Variants in PNPLA7 observed in about 807,000 individuals in gnomAD.
The protein encoded by PNPLA7 is patatin like domain 7, lysophospholipase.
A neutral mutation model predicts 161.7 loss-of-function variants in PNPLA7; 153 were observed. The observed-to-expected ratio is 0.95, with a 90% CI of 0.83 to 1.08. The LOEUF (loss-of-function observed/expected upper bound fraction) is 1.08. Ranked by LOEUF, PNPLA7 falls within the 50% of genes least tolerant of loss-of-function variation. The pLI is 0.00. For missense variants in PNPLA7, 1,739 were observed against 1,856.6 expected (o/e 0.94, Z 1.16); for synonymous variants, 809 against 782.1 (o/e 1.03, Z -0.57).
chr9:137,523,558 C>T lies in PNPLA7; in HGVS notation c.748-701G>A, dbSNP rs1835143522. Reference sequence around the variant, plus strand: ...GTGATCTGCATGCAGGCAGATTCTTCTGGAAACTTGTTGGCTCTAGAGACG... The same window carrying T: ...GTGATCTGCATGCAGGCAGATTCTTTTGGAAACTTGTTGGCTCTAGAGACG... On this transcript the variant is annotated intron_variant, in intron 8 of 34. Coordinates refer to ENST00000406427, the MANE Select transcript of PNPLA7 (RefSeq NM_001098537.3). The surrounding 1 kb of genome is among the most constrained non-coding windows in gnomAD (Gnocchi z 4.4). 6.6e-6 allele frequency among the ~76,000 whole-genome samples: 1 copy of T among 151,980 alleles called. No homozygotes were observed. Among genetic ancestry groups the T allele is most frequent in the Non-Finnish European group, 1.5e-5 (1 of 68,024 alleles).
chr9:137,548,204 G>A (rs1453999055), intron 1 of PNPLA7, among the ~76,000 whole-genome samples: 3 of 152,204 alleles, frequency 2.0e-5, no homozygotes, highest in Non-Finnish European at 2.9e-5. Flanking sequence ...GATGGTGAGT[G>A]AACGACAGCA....
At chr9:137,465,668 C>T (rs759052921) in intron 26 of PNPLA7, among the ~76,000 whole-genome samples, 14 of 152,272 alleles carry the variant, frequency 9.2e-5, no homozygotes, top group African/African-American at 1.4e-4. Flanking sequence ...CCTTGGGACT[C>T]GCTGCTGGGG....
At position 137,463,534 on chromosome 9, in the gene PNPLA7, G is replaced by A. The variant is rs760514373; in HGVS notation, c.3227-3C>T. On this transcript the variant is annotated splice_polypyrimidine_tract_variant and splice_region_variant and intron_variant, in intron 28 of 34. Transcript: ENST00000406427. ...ACGCACGTACCACCACAGGGAGCCT[G>A]GGGAGGGGGCCCGGAGCTGCTGGTT... is the stretch of plus-strand genomic sequence containing the variant. 1 of 1,573,114 alleles carries A rather than the reference G, an allele frequency of 6.4e-7. No homozygotes were observed. The highest frequency in any genetic ancestry group is 8.6e-7 in the Non-Finnish European group (1 of 1,158,760).
At chr9:137,535,976 C>T (rs990622033) in intron 8 of PNPLA7, among the ~76,000 whole-genome samples, 2 of 151,482 alleles carry the variant, frequency 1.3e-5, no homozygotes, top group African/African-American at 4.9e-5. Flanking sequence ...CATGGTGAAA[C>T]CCCGTCTCTA....
intron 21 of PNPLA7, among the ~76,000 whole-genome samples, 198 bp downstream of exon 21, chr9:137,484,389 T>C (rs1176600497): frequency 2.0e-5 from 3 of 152,240 alleles, no homozygotes; most frequent in Non-Finnish European, 4.4e-5. Context: ...TTGAGAGTTC[T>C]CAGGAAATTC....
At chr9:137,521,592 C>T in intron 10 of PNPLA7, 44 bp downstream of exon 10, 1 of 1,595,786 alleles carries the variant, frequency 6.3e-7, no homozygotes, top group Non-Finnish European at 8.6e-7. Context: ...CCGATGCCAG[C>T]TGCATGGAGC....
rs532360318 is a variant in PNPLA7, at chr9:137,495,972, C to T, written c.2014-826G>A. Among the ~76,000 whole-genome samples, 186 of 152,262 alleles carry T rather than the reference C, an allele frequency of 1.2e-3. 2 individuals carry two copies. The highest frequency in any genetic ancestry group is 4.2e-3 in the African/African-American group (175 of 41,554). On this transcript the variant is annotated intron_variant, in intron 18 of 34. Transcript: ENST00000406427. ...CGGCCCTGGCAGAGCTGAGGCGAGG[C>T]GGTGCTGGAGCACACTGACAGAGTT...
At chr9:137,502,847 T>C (rs1037624339) in intron 14 of PNPLA7, among the ~76,000 whole-genome samples, 1 of 149,212 alleles carries the variant, frequency 6.7e-6, no homozygotes, top group Admixed American at 6.7e-5. Context: ...CTGTTAAGTA[T>C]TCAGAAATGA....
rs764075248 is a variant in PNPLA7 at position 137,460,634 on chromosome 9, C to T, written c.3945G>A (p.Leu1315=). ...GGTGGGACCATGCCCAGCTCCTCAC[C>T]AAGTCTGAGCCCTGCTGGGCTGAGG... The part of the protein sequence containing the change: ...QSTSAQQGSD[L]EDESSLRHRH... The change falls in exon 34 of 35, where the codon TTG becomes TTA. Residue 1315 remains leucine (L), a splice_region_variant and synonymous_variant. Transcript: ENST00000406427. 6.2e-6 allele frequency: 10 copies of T among 1,611,690 alleles called. No individual in the cohort carries two copies. Among genetic ancestry groups the T allele is most frequent in the Admixed American group, 1.7e-5 (1 of 59,948 alleles).
At chr9:137,515,289 C>T (rs1834470013) in intron 12 of PNPLA7, 90 bp downstream of exon 12, 6 of 1,495,908 alleles carry the variant, frequency 4.0e-6, no homozygotes, top group African/African-American at 2.8e-5. Context: ...GCCTCGGCGG[C>T]GATGCTGGGC....
At chr9:137,503,255 C>G (rs79957033) in intron 14 of PNPLA7, among the ~76,000 whole-genome samples, 2 of 151,894 alleles carry the variant, frequency 1.3e-5, no homozygotes, top group African/African-American at 4.8e-5. Context: ...GTTAGTGAGG[C>G]CTGTGGTTCC....
rs557119131 is a variant in PNPLA7 at position 137,490,294 on chromosome 9, A to G, written c.2197+2719T>C. Among the ~76,000 whole-genome samples the G allele has an allele frequency of 2.6e-5, 4 of 152,182 alleles. No homozygotes were observed. The highest frequency in any genetic ancestry group is 6.5e-5 in the Admixed American group (1 of 15,280). ...ATTTTATTCATAGAGACAGGGTCTC[A>G]CTATGTTGCCCGGGCTGGTCTCGAA... On this transcript the variant is annotated intron_variant, in intron 20 of 34. Transcript: ENST00000406427. This position sits in a 1 kb window ranked among gnomAD's most constrained non-coding sequence, Gnocchi z 4.1.
At chr9:137,483,526 C>T (rs1832326647) in intron 21 of PNPLA7, among the ~76,000 whole-genome samples, 2 of 152,114 alleles carry the variant, frequency 1.3e-5, no homozygotes, top group South Asian at 4.1e-4. Context: ...GCGATCTAGG[C>T]TCACTGCAAC....
chr9:137,486,715 G>T lies in PNPLA7; in HGVS notation c.2198-1979C>A, dbSNP rs1302605912. On this transcript the variant is annotated intron_variant, in intron 20 of 34. Coordinates refer to ENST00000406427, the MANE Select transcript of PNPLA7 (RefSeq NM_001098537.3). The surrounding 1 kb of genome is among the most constrained non-coding windows in gnomAD (Gnocchi z 6.0). The stretch of plus-strand genomic sequence containing the variant: ...TGGGCCTCCACCGCCCAGCCTTGGG[G>T]TGGCTTCAGCCGCCTGCTTGAGAGG... Among the ~76,000 whole-genome samples the T allele has an allele frequency of 6.6e-6, 1 of 152,082 alleles. No individual in the cohort carries two copies. The highest frequency in any genetic ancestry group is 1.5e-5 in the Non-Finnish European group (1 of 68,018).
intron 12 of PNPLA7, among the ~76,000 whole-genome samples, chr9:137,514,988 G>A (rs1235047230): frequency 3.3e-5 from 5 of 152,186 alleles, no homozygotes; most frequent in Non-Finnish European, 7.4e-5. Context: ...GTCCCTGCGG[G>A]GAGGCACACG....
chr9:137,462,968 A>C (rs558488673), intron 29 of PNPLA7, 135 bp from the exon 30 acceptor site: 1 of 1,232,476 alleles, frequency 8.1e-7, no homozygotes, highest in South Asian at 1.5e-5. Flanking sequence ...CTAGAGGCAG[A>C]AGACCCACAT....
In PNPLA7 at chr9:137,541,291, G is replaced by A. The variant is rs189563742; in HGVS notation, c.667-569C>T. Reference sequence around the variant, plus strand: ...TCCTTCAGGAGGGCCCCGCACGAGCGGCAACGAAAGCCGCTGCTTCACCAG... The same window carrying A: ...TCCTTCAGGAGGGCCCCGCACGAGCAGCAACGAAAGCCGCTGCTTCACCAG... On this transcript the variant is annotated intron_variant, in intron 7 of 34. Coordinates refer to ENST00000406427, the MANE Select transcript of PNPLA7 (RefSeq NM_001098537.3). This position sits in a 1 kb window ranked among gnomAD's most constrained non-coding sequence, Gnocchi z 4.4. 6.0e-6 allele frequency: 2 copies of A among 335,342 alleles called. No homozygotes were observed. Among genetic ancestry groups the A allele is most frequent in the Admixed American group, 6.5e-5 (1 of 15,502 alleles). 20.8% of individuals were successfully genotyped at this position (335,342 alleles called of 1,614,324 possible).
chr9:137,535,000 G>GC (rs1013193953), intron 8 of PNPLA7, among the ~76,000 whole-genome samples: 1 of 152,114 alleles, frequency 6.6e-6, no homozygotes, highest in Non-Finnish European at 1.5e-5. Context: ...TGTAAAGGAA[G>GC]TTTTTTTTGG....
intron 20 of PNPLA7, among the ~76,000 whole-genome samples, chr9:137,488,202 C>T (rs1007453461): frequency 7.2e-5 from 11 of 152,298 alleles, no homozygotes; most frequent in African/African-American, 2.6e-4. Flanking sequence ...AGCTTCGGCC[C>T]GAACGCGGCT....
Sources: allele counts gnomAD v4.1 joint callset (sites outside exome capture counted in the v4.1 genomes callset), GRCh38; gene constraint gnomAD v4.1.1; non-coding constraint Gnocchi (gnomAD v3.1); transcripts MANE v1.5; gene names NCBI Gene and HGNC (gene_info 2026-07-23, HGNC 2026-07-21).